The following SLC12A9 variants were observed in gnomAD, a reference collection of about 807,000 sequenced individuals.
The protein encoded by SLC12A9 is solute carrier family 12 member 9.
A neutral mutation model predicts 66.0 loss-of-function variants in SLC12A9; 55 were observed. That is an observed-to-expected ratio of 0.83 (90% CI 0.67 to 1.04). SLC12A9 has a LOEUF of 1.04. Among genes scored for constraint, SLC12A9 ranks in the 50% least tolerant of loss-of-function variants. SLC12A9 has a pLI of 0.00. For missense variants in SLC12A9, 1,061 were observed against 1,241.9 expected (o/e 0.85, Z 2.19); for synonymous variants, 577 against 569.0 (o/e 1.01, Z -0.20).
chr7:100,863,679 A>G (rs1161064948), intron 13 of SLC12A9, among the ~76,000 whole-genome samples: 1 of 152,222 alleles, frequency 6.6e-6, no homozygotes, highest in Non-Finnish European at 1.5e-5. Flanking sequence ...CTGTGGATGG[A>G]GCGGTAAATT....
At position 100,861,293 on chromosome 7, in the gene SLC12A9, G is replaced by A. The variant is rs1332177141; in HGVS notation, c.1343+31G>A. The A allele has an allele frequency of 1.2e-6, 2 of 1,613,848 alleles. No homozygotes were observed. The highest frequency in any genetic ancestry group is 3.3e-5 in the Admixed American group (2 of 60,024). On this transcript the variant is annotated intron_variant, in intron 10 of 13. Transcript: ENST00000354161. The surrounding 1 kb of genome is among the most constrained non-coding windows in gnomAD (Gnocchi z 5.3). ...AGACTCAGATCTGTGTCCCCAGAGA[G>A]AAGAAGGGAGGACTCGGGCTCAGGC...
chr7:100,850,805 C>T (rs766264721), upstream of SLC12A9, among the ~76,000 whole-genome samples: 5 of 151,562 alleles, frequency 3.3e-5, no homozygotes, highest in South Asian at 2.1e-4. Context: ...CCACAACCTC[C>T]GCCTCCCGTG....
chr7:100,865,529 T>C (rs907747875), intron 13 of SLC12A9, 190 bp from the exon 14 acceptor site: 8 of 1,554,604 alleles, frequency 5.1e-6, no homozygotes, highest in South Asian at 2.3e-5. Context: ...AATAAATGCA[T>C]GTGAAAGTGT....
intron 1 of SLC12A9, among the ~76,000 whole-genome samples, chr7:100,832,963 A>G (rs967531487): frequency 6.6e-6 from 1 of 152,028 alleles, no homozygotes; most frequent in Admixed American, 6.6e-5. Flanking sequence ...GTTTGTACAG[A>G]CAGGGTCTCA....
At chr7:100,864,725 A>G (rs1814974580) in intron 13 of SLC12A9, among the ~76,000 whole-genome samples, 1 of 152,208 alleles carries the variant, frequency 6.6e-6, no homozygotes, top group African/African-American at 2.4e-5. Context: ...CCTATGGGCA[A>G]GTGACTTCAT....
chr7:100,855,969 G>A, intron 4 of SLC12A9, 132 bp downstream of exon 4: 6 of 1,403,492 alleles, frequency 4.3e-6, no homozygotes, highest in Non-Finnish European at 4.7e-6. Context: ...AGCTTCTGCT[G>A]TGTGGCCAGC....
chr7:100,858,079 T>C (rs1197443372), intron 5 of SLC12A9: 1 of 150,924 alleles, frequency 6.6e-6, no homozygotes, highest in East Asian at 2.0e-4. Context: ...TCGCCACCAC[T>C]GCCCTCCAGC....
At chr7:100,827,295 T>C (rs1161927422) in intron 1 of SLC12A9, 1 of 150,094 alleles carries the variant, frequency 6.7e-6, no homozygotes, top group Non-Finnish European at 1.4e-5. Context: ...GTGGCTGGAG[T>C]TGGGGTCCCT....
Position 100,862,803 on chromosome 7 carries a change from C to G in SLC12A9, c.1834C>G (p.His612Asp). 1.2e-6 allele frequency: 2 copies of G among 1,614,184 alleles called. No homozygotes were observed. Among genetic ancestry groups the G allele is most frequent in the Non-Finnish European group, 1.7e-6 (2 of 1,180,044 alleles). ...ACCCTCCGTGCGCCAGGGGGCTCAGCATCTGCTGCGAATCTCCGGCCTCGG... is the reference window on the plus strand; with the variant it reads ...ACCCTCCGTGCGCCAGGGGGCTCAGGATCTGCTGCGAATCTCCGGCCTCGG... ...LSPSVRQGAQ[H>D]LLRISGLGGM... is the part of the protein sequence containing the mutation. The change falls in exon 13 of 14, where the codon CAT (histidine) becomes GAT (aspartate). Residue 612 changes from histidine (H) to aspartate (D), a missense_variant. By Grantham distance (81) the His-to-Asp change is moderately conservative. Coordinates refer to ENST00000354161, the MANE Select transcript of SLC12A9 (RefSeq NM_020246.4).
chr7:100,853,065 A>T (rs1814164538), intron 1 of SLC12A9, among the ~76,000 whole-genome samples: 1 of 149,738 alleles, frequency 6.7e-6, no homozygotes, highest in Non-Finnish European at 1.5e-5. Context: ...CCTCGTGTGG[A>T]TGGGAGGAAT....
Position 100,834,579 on chromosome 7 carries a change from C to T in SLC12A9, n.228+7532C>T, listed in dbSNP as rs571278152. Among the ~76,000 whole-genome samples, 9 of 151,934 alleles carry T rather than the reference C, an allele frequency of 5.9e-5. No homozygotes were observed. The South Asian group carries it at 1.7e-3, about 28-fold the overall frequency. ...GGGATGGTGCACGCATGTATGGAGC[C>T]GGGGAGGATTCAGGAGATAAGGGTT... On this transcript the variant is annotated intron_variant and non_coding_transcript_variant, in intron 1 of 1. Coordinates refer to the SLC12A9 transcript ENST00000461016.
chr7:100,842,949 C>T (rs988689053), intron 1 of SLC12A9, among the ~76,000 whole-genome samples: 15 of 152,382 alleles, frequency 9.8e-5, no homozygotes, highest in African/African-American at 2.9e-4. Context: ...ATCCAGCTTC[C>T]GTCTCCCAAC....
Position 100,861,428 on chromosome 7 carries a change from G to T in SLC12A9, c.1380G>T (p.Leu460=). Residue 460 remains leucine, a synonymous_variant, in exon 11 of 14, where the codon CTG becomes CTT. Transcript: ENST00000354161. This position sits in a 1 kb window ranked among gnomAD's most constrained non-coding sequence, Gnocchi z 5.3. ...TFSLFSWHTC[L]LGVASCLLMM... ...GCCTGTTCTCCTGGCACACCTGCCT[G>T]CTGGGGGTGGCCTCCTGCCTGCTCA... The T allele has an allele frequency of 6.2e-7, 1 of 1,613,688 alleles. No homozygotes were observed.
intron 1 of SLC12A9, among the ~76,000 whole-genome samples, chr7:100,844,621 A>G (rs1298890783): frequency 6.6e-6 from 1 of 152,198 alleles, no homozygotes; most frequent in African/African-American, 2.4e-5. Flanking sequence ...AATTAAAAAA[A>G]AATAAAAAGG....
chr7:100,855,414 G>A (rs1814327552), intron 3 of SLC12A9: 1 of 348,190 alleles, frequency 2.9e-6, no homozygotes, highest in South Asian at 2.5e-5. Context: ...CAGCCACTGT[G>A]CCTGGCCTGG....
intron 1 of SLC12A9, chr7:100,837,221 G>C (rs1813678749): frequency 6.6e-6 from 1 of 152,284 alleles, no homozygotes; most frequent in Non-Finnish European, 1.5e-5. Context: ...GGGATTACAG[G>C]CATGAGTCAC....
chr7:100,851,901 G>A (rs1291554835), upstream of SLC12A9, among the ~76,000 whole-genome samples: 1 of 151,736 alleles, frequency 6.6e-6, no homozygotes. Flanking sequence ...TTAATGCAGT[G>A]CTATTTGCAA....
chr7:100,846,566 C>CA (rs199870500), intron 1 of SLC12A9, among the ~76,000 whole-genome samples: 2,100 of 105,282 alleles, frequency 0.02, 33 homozygotes, highest in African/African-American at 0.063. Flanking sequence ...GACTCCGTCT[C>CA]AAAAAAAAAA....
intron 1 of SLC12A9, among the ~76,000 whole-genome samples, chr7:100,839,581 C>T (rs533580624): frequency 5.3e-5 from 8 of 152,350 alleles, no homozygotes; most frequent in East Asian, 1.9e-4. Flanking sequence ...GCCCGGGCGA[C>T]GCGGATCCTG....
Sources: allele counts gnomAD v4.1 joint callset (sites outside exome capture counted in the v4.1 genomes callset), GRCh38; gene constraint gnomAD v4.1.1; non-coding constraint Gnocchi (gnomAD v3.1); transcripts MANE v1.5; gene names NCBI Gene and HGNC (gene_info 2026-07-23, HGNC 2026-07-21).